Variants in UBTD1 observed in about 807,000 individuals in gnomAD.
UBTD1 encodes the protein ubiquitin domain-containing protein 1.
UBTD1 carries 19 observed loss-of-function variants against 21.7 expected under a neutral mutation model. The ratio of observed to expected loss-of-function variants is 0.87; its 90% CI spans 0.61 to 1.28. The LOEUF is 1.28. Ranked by LOEUF, UBTD1 falls within the 50% of genes most tolerant of loss-of-function variation. The pLI, the probability that UBTD1 is intolerant of heterozygous loss-of-function variation, is 0.00. For synonymous variants in UBTD1, 116 were observed against 135.1 expected, an observed-to-expected ratio of 0.86 and a Z score of 0.98; for missense variants, 282 against 315.1, an observed-to-expected ratio of 0.89 and a Z score of 0.80.
chr10:97,532,676 G>T (rs949190971), intron 1 of UBTD1, among the ~76,000 whole-genome samples: 2 of 152,144 alleles, frequency 1.3e-5, no homozygotes, highest in African/African-American at 2.4e-5. Context: ...TGTAGTCCCA[G>T]CTACTTGGGA....
Position 97,570,137 on chromosome 10 carries a change from G to A in UBTD1, c.299-1G>A, listed in dbSNP as rs1247264713. ...CTCTGACAGCCCTGCCTCTCCTACA[G>A]GCACCCTCTGTGAATGCTACGATGA... On this transcript the variant is annotated splice_acceptor_variant, in intron 2 of 2. Transcript: ENST00000370664. LOFTEE classifies it high-confidence loss of function. The surrounding 1 kb of genome is among the most constrained non-coding windows in gnomAD (Gnocchi z 6.6). The A allele has an allele frequency of 6.3e-7, 1 of 1,599,804 alleles. No homozygotes were observed.
chr10:97,503,894 C>CT (rs2040387912), intron 1 of UBTD1, among the ~76,000 whole-genome samples: 1 of 152,110 alleles, frequency 6.6e-6, no homozygotes, highest in African/African-American at 2.4e-5. Flanking sequence ...TTCTCTGCAA[C>CT]TTCAGCCTTG....
intron 1 of UBTD1, among the ~76,000 whole-genome samples, chr10:97,512,438 C>G (rs1447626947): frequency 6.6e-6 from 1 of 152,240 alleles, no homozygotes; most frequent in Non-Finnish European, 1.5e-5. Flanking sequence ...GTTGCCTGGT[C>G]CATGTCTGGC....
chr10:97,529,263 G>A (rs1275520527), intron 1 of UBTD1, among the ~76,000 whole-genome samples: 3 of 148,634 alleles, frequency 2.0e-5, no homozygotes, highest in Admixed American at 6.7e-5. Flanking sequence ...GGGCAGAGAC[G>A]CTCCTCACTT....
In UBTD1 at chr10:97,570,592, A is replaced by G; in HGVS notation, c.*69A>G. The G allele has an allele frequency of 1.3e-6, 2 of 1,514,394 alleles. No homozygotes were observed. The highest frequency in any genetic ancestry group is 4.1e-5 in the Admixed American group (2 of 48,820). The allele number at this position is 1,514,394 out of a possible 1,614,324, so 93.8% of individuals were successfully genotyped here. ...GGCCCCCACCCTGCTGCTGCCTTCCAGTGCTGTCATTTTCTTCAGGGGCCC... is the reference window on the plus strand; with the variant it reads ...GGCCCCCACCCTGCTGCTGCCTTCCGGTGCTGTCATTTTCTTCAGGGGCCC... On this transcript the variant is annotated 3_prime_UTR_variant, in exon 3 of 3. Coordinates refer to ENST00000370664, the MANE Select transcript of UBTD1 (RefSeq NM_024954.5). The surrounding 1 kb of genome is among the most constrained non-coding windows in gnomAD (Gnocchi z 6.6).
intron 1 of UBTD1, among the ~76,000 whole-genome samples, chr10:97,534,187 C>A (rs2040547776): frequency 6.6e-6 from 1 of 152,234 alleles, no homozygotes; most frequent in Admixed American, 6.5e-5. Context: ...TTTCCCACTT[C>A]ACCCCCTTCC....
At chr10:97,562,747 T>C (rs1234869843) in intron 1 of UBTD1, among the ~76,000 whole-genome samples, 1 of 152,186 alleles carries the variant, frequency 6.6e-6, no homozygotes, top group Non-Finnish European at 1.5e-5. Context: ...ACTGGGCTAT[T>C]TTCACTTCTT....
intron 1 of UBTD1, among the ~76,000 whole-genome samples, chr10:97,537,414 G>A (rs984790911): frequency 1.4e-4 from 22 of 152,188 alleles, no homozygotes; most frequent in African/African-American, 3.9e-4. Context: ...AGGGGCCAGC[G>A]ACCTGCACAT....
intron 1 of UBTD1, among the ~76,000 whole-genome samples, chr10:97,510,269 A>G (rs1208094046): frequency 1.3e-5 from 2 of 152,208 alleles, no homozygotes; most frequent in Non-Finnish European, 2.9e-5. Context: ...CCAGCCATGA[A>G]TTTCCTTTGA....
At chr10:97,511,660 AT>A (rs35345352) in intron 1 of UBTD1, among the ~76,000 whole-genome samples, 10,803 of 148,658 alleles carry the variant, frequency 0.073, 501 homozygotes, top group Non-Finnish European at 0.11. Flanking sequence ...CATGGCATTG[AT>A]TTTTTTTTTT....
intron 1 of UBTD1, among the ~76,000 whole-genome samples, chr10:97,521,864 G>C (rs545803759): frequency 6.6e-6 from 1 of 152,370 alleles, no homozygotes; most frequent in African/African-American, 2.4e-5. Flanking sequence ...TTGTGCTGCT[G>C]TTGTCAAGTA....
chr10:97,567,575 C>T (rs2040723677), intron 1 of UBTD1, among the ~76,000 whole-genome samples: 1 of 151,934 alleles, frequency 6.6e-6, no homozygotes, highest in Non-Finnish European at 1.5e-5. Context: ...AGGAGAGTCG[C>T]TTGAACCCGG....
At chr10:97,505,132 G>A (rs748589012) in intron 1 of UBTD1, among the ~76,000 whole-genome samples, 1 of 152,198 alleles carries the variant, frequency 6.6e-6, no homozygotes, top group Non-Finnish European at 1.5e-5. Context: ...GAAGTTAGGT[G>A]ATGTGGATTC....
chr10:97,523,259 A>C (rs1397842479), intron 1 of UBTD1, among the ~76,000 whole-genome samples: 1 of 152,170 alleles, frequency 6.6e-6, no homozygotes, highest in Non-Finnish European at 1.5e-5. Flanking sequence ...CTTCACCCTG[A>C]AGGTGGGAAT....
Position 97,516,700 on chromosome 10 carries a change from G to A in UBTD1, c.70+17427G>A, listed in dbSNP as rs567439436. On this transcript the variant is annotated intron_variant, in intron 1 of 2. Transcript: ENST00000370664. ...TGAAGCAGGAGAATGGCCTGAACCC[G>A]GGAGGCAGAGGTTGCAGCCGAGATC... is the stretch of plus-strand genomic sequence containing the variant. Among the ~76,000 whole-genome samples, 5 of 152,200 alleles carry A rather than the reference G, an allele frequency of 3.3e-5. No homozygotes were observed. In the East Asian group the frequency reaches 5.8e-4, roughly 18 times the overall value.
At chr10:97,505,245 C>T (rs2040393500) in intron 1 of UBTD1, among the ~76,000 whole-genome samples, 1 of 152,070 alleles carries the variant, frequency 6.6e-6, no homozygotes, top group African/African-American at 2.4e-5. Context: ...TTTTCTTACC[C>T]AGCCATTAGA....
chr10:97,507,921 G>A (rs2040406275), intron 1 of UBTD1, among the ~76,000 whole-genome samples: 1 of 152,176 alleles, frequency 6.6e-6, no homozygotes, highest in African/African-American at 2.4e-5. Context: ...GGGACAAGGA[G>A]CAAAGGGTGA....
chr10:97,535,981 A>ATTATTATTGTTATTG (rs147880731), intron 1 of UBTD1, among the ~76,000 whole-genome samples: 6 of 147,066 alleles, frequency 4.1e-5, no homozygotes, highest in African/African-American at 1.2e-4. Flanking sequence ...TATTATTATT[A>ATTATTATTGTTATTG]TTATTATTAT....
At chr10:97,529,597 AC>A (rs1324552536) in intron 1 of UBTD1, among the ~76,000 whole-genome samples, 1 of 25,322 alleles carries the variant, frequency 3.9e-5, no homozygotes, top group Non-Finnish European at 3.9e-4. Flanking sequence ...CCCCGTCTCC[AC>A]CAAAAAAAAA....
Sources: gnomAD v4.1 joint callset for allele counts (sites outside exome capture counted in the v4.1 genomes callset) on GRCh38, gnomAD v4.1.1 for gene constraint, Gnocchi (gnomAD v3.1) non-coding constraint, MANE v1.5 for transcripts, NCBI Gene and HGNC (gene_info 2026-07-23, HGNC 2026-07-21) for gene names.